Variants in CUL3 observed in about 807,000 individuals in gnomAD.
CUL3 encodes cullin-3.
In CUL3, 19 loss-of-function variants were observed where a neutral mutation model predicts 89.1. That is an observed-to-expected ratio of 0.21 (90% CI 0.15 to 0.31). The LOEUF is 0.31. Ranked by LOEUF, CUL3 falls within the 10% of genes least tolerant of loss-of-function variation. CUL3 has a pLI of 1.00. For missense variants in CUL3, 469 were observed against 942.3 expected (o/e 0.50, Z 6.58); for synonymous variants, 351 against 308.4 (o/e 1.14, Z -1.45).
intron 13 of CUL3, among the ~76,000 whole-genome samples, chr2:224,482,319 G>C (rs1462422435): frequency 6.6e-6 from 1 of 152,030 alleles, no homozygotes; most frequent in Non-Finnish European, 1.5e-5. Context: ...TGTTTCAGGA[G>C]ATACAATGGC....
At position 224,471,529 on chromosome 2, in the gene CUL3, T is replaced by C. The variant is rs1465121703; in HGVS notation, c.*2716A>G. ...CAACAGTGCTTCACTATGAGAAGGA[T>C]TCTTACAGAGAAGGCCTATCATCAG... On this transcript the variant is annotated 3_prime_UTR_variant, in exon 16 of 16. Transcript: ENST00000264414. 1 of 194,888 alleles carries C rather than the reference T, an allele frequency of 5.1e-6. No individual in the cohort carries two copies. The highest frequency in any genetic ancestry group is 2.3e-5 in the African/African-American group (1 of 43,166). 12.1% of individuals were successfully genotyped at this position (194,888 alleles called of 1,614,324 possible). A position where few individuals can be genotyped will look rare whatever the true frequency, so the allele number is the denominator to read the frequency against.
intron 3 of CUL3, among the ~76,000 whole-genome samples, chr2:224,527,054 A>G (rs1387122302): frequency 6.6e-6 from 1 of 152,170 alleles, no homozygotes; most frequent in Non-Finnish European, 1.5e-5. Flanking sequence ...ATGCCGGGGT[A>G]CTGGATACTG....
Position 224,471,893 on chromosome 2 carries a change from T to C in CUL3, c.*2352A>G. ...AAAGTCTTCTAATAAATCACCAAAA[T>C]TTCTCTGCACCAACAGGATGGAATG... On this transcript the variant is annotated 3_prime_UTR_variant, in exon 16 of 16. Coordinates refer to ENST00000264414, the MANE Select transcript of CUL3 (RefSeq NM_003590.5). 1 of 230,916 alleles carries C rather than the reference T, an allele frequency of 4.3e-6. No individual in the cohort carries two copies. Among genetic ancestry groups the C allele is most frequent in the South Asian group, 1.8e-4 (1 of 5,508 alleles). 14.3% of individuals were successfully genotyped at this position (230,916 alleles called of 1,614,324 possible).
chr2:224,553,801 T>C (rs185125250), intron 2 of CUL3, among the ~76,000 whole-genome samples: 6 of 152,316 alleles, frequency 3.9e-5, no homozygotes, highest in Admixed American at 2.6e-4. Context: ...AGCACCTTGA[T>C]CTTGGACTTC....
At chr2:224,538,013 G>A (rs1330560628) in intron 2 of CUL3, among the ~76,000 whole-genome samples, 1 of 152,042 alleles carries the variant, frequency 6.6e-6, no homozygotes, top group Non-Finnish European at 1.5e-5. Context: ...AAAATAAAAC[G>A]TGATCTCCTA....
chr2:224,500,591 C>A, intron 10 of CUL3, 104 bp from the exon 11 acceptor site: 42 of 850,238 alleles, frequency 4.9e-5, no homozygotes, highest in Non-Finnish European at 6.6e-5. Flanking sequence ...AGCTCCATGT[C>A]TAATATCTAA....
chr2:224,541,730 C>A (rs560238879), intron 2 of CUL3, among the ~76,000 whole-genome samples: 3 of 151,718 alleles, frequency 2.0e-5, no homozygotes, highest in African/African-American at 7.3e-5. Context: ...TAAAAGGGAA[C>A]AAATTATTGA....
intron 14 of CUL3, chr2:224,480,078 G>T: frequency 6.7e-6 from 1 of 149,878 alleles, no homozygotes; most frequent in South Asian, 2.0e-4. Flanking sequence ...TGCACGCTGG[G>T]GGATGGAATT....
intron 2 of CUL3, among the ~76,000 whole-genome samples, chr2:224,546,009 A>G (rs530919608): frequency 6.6e-6 from 1 of 152,218 alleles, no homozygotes; most frequent in East Asian, 1.9e-4. Context: ...GGATTTCTCA[A>G]TCAGTACAAA....
intron 11 of CUL3, among the ~76,000 whole-genome samples, chr2:224,498,169 T>C (rs1574629575): frequency 6.6e-6 from 1 of 152,152 alleles, no homozygotes; most frequent in Non-Finnish European, 1.5e-5. Flanking sequence ...AACCCAATAA[T>C]CAATTTGTTC....
intron 3 of CUL3, among the ~76,000 whole-genome samples, chr2:224,534,956 A>G (rs34705085): frequency 0.18 from 27,653 of 150,852 alleles, 2,889 homozygotes; most frequent in South Asian, 0.27. Flanking sequence ...AGCCGAGATC[A>G]TGCCACTGCA....
In CUL3 at chr2:224,485,523, G is replaced by C. The variant is rs1042313293; in HGVS notation, c.1843-3445C>G. 6.6e-6 allele frequency: 1 copy of C among 150,504 alleles called. No homozygotes were observed. The highest frequency in any genetic ancestry group is 1.5e-5 in the Non-Finnish European group (1 of 68,190). The allele number at this position is 150,504 out of a possible 1,614,324, so 9.3% of individuals were successfully genotyped here. ...GGCCTCCAGGAAGTTCGAACTGGGC[G>C]GGTGGCAAAGCTGCTGTGGCCAAAC... On this transcript the variant is annotated intron_variant, in intron 13 of 15. Coordinates refer to ENST00000264414, the MANE Select transcript of CUL3 (RefSeq NM_003590.5). The surrounding 1 kb of genome is among the most constrained non-coding windows in gnomAD (Gnocchi z 4.1).
chr2:224,539,265 TAC>T (rs1454725833), intron 2 of CUL3, among the ~76,000 whole-genome samples: 6 of 152,308 alleles, frequency 3.9e-5, no homozygotes, highest in African/African-American at 1.4e-4. Flanking sequence ...CTGATACCAT[TAC>T]ATACCTTTGA....
intron 2 of CUL3, among the ~76,000 whole-genome samples, chr2:224,543,864 A>G (rs1694201698): frequency 6.6e-6 from 1 of 152,120 alleles, no homozygotes; most frequent in African/African-American, 2.4e-5. Flanking sequence ...GTGTGCCTGT[A>G]GTCCCAGCTA....
rs182949294 is a variant in CUL3, at chr2:224,577,556, G to A, written c.66+7388C>T. On this transcript the variant is annotated intron_variant, in intron 1 of 15. Transcript: ENST00000264414. ...TGCACTCCAGCCTGGGTGACAGAGC[G>A]GAGACTCTGTCTCAAAAAAAAAAAA... Among the ~76,000 whole-genome samples the A allele has an allele frequency of 2.8e-4, 35 of 127,086 alleles. No individual in the cohort carries two copies. The East Asian group carries it at 5.3e-3, about 19-fold the overall frequency. The allele number at this position is 127,086 out of a possible 152,430, so 83.4% of individuals were successfully genotyped here.
intron 1 of CUL3, among the ~76,000 whole-genome samples, chr2:224,566,895 G>A (rs1695053766): frequency 2.6e-5 from 4 of 152,314 alleles, no homozygotes; most frequent in Non-Finnish European, 4.4e-5. Flanking sequence ...CAGGTGTAGC[G>A]ATGGCTTCAC....
Position 224,557,660 on chromosome 2 carries a change from T to A in CUL3, c.263A>T (p.Lys88Met). 1 of 1,601,776 alleles carries A rather than the reference T, an allele frequency of 6.2e-7. No individual in the cohort carries two copies. The highest frequency in any genetic ancestry group is 8.5e-7 in the Non-Finnish European group (1 of 1,170,606). ...REVVTEHLIN[K>M]VREDVLNSLN... ...CAACAGTCCTTTAAAGTTTGATACCTTATTTATGAGATGTTCGGTAACAAC... is the reference window on the plus strand; with the variant it reads ...CAACAGTCCTTTAAAGTTTGATACCATATTTATGAGATGTTCGGTAACAAC... The change falls in exon 2 of 16, where the codon AAG (lysine) becomes ATG (methionine). Residue 88 changes from lysine (K) to methionine (M), a missense_variant and splice_region_variant. Transcript: ENST00000264414.
chr2:224,548,254 T>C (rs1323244499), intron 2 of CUL3, among the ~76,000 whole-genome samples: 1 of 152,222 alleles, frequency 6.6e-6, no homozygotes, highest in Non-Finnish European at 1.5e-5. Flanking sequence ...GGCAGGAATC[T>C]TTCCTTGATA....
intron 14 of CUL3, among the ~76,000 whole-genome samples, chr2:224,480,905 A>G (rs1382982211): frequency 1.3e-5 from 2 of 152,148 alleles, no homozygotes; most frequent in Non-Finnish European, 2.9e-5. Context: ...AATGCAGATT[A>G]CTATGATACA....
Sources: gnomAD v4.1 joint callset for allele counts (sites outside exome capture counted in the v4.1 genomes callset) on GRCh38, gnomAD v4.1.1 for gene constraint, Gnocchi (gnomAD v3.1) non-coding constraint, MANE v1.5 for transcripts, NCBI Gene and HGNC (gene_info 2026-07-23, HGNC 2026-07-21) for gene names.